The following CRTC1 variants were observed in gnomAD, a reference collection of about 807,000 sequenced individuals.
The protein encoded by CRTC1 is CREB-regulated transcription coactivator 1.
CRTC1 carries 18 observed loss-of-function variants against 66.1 expected under a neutral mutation model. The ratio of observed to expected loss-of-function variants is 0.27; its 90% confidence interval spans 0.19 to 0.40. The LOEUF (loss-of-function observed/expected upper bound fraction) is 0.40. Ranked by LOEUF, CRTC1 falls within the 10% of genes least tolerant of loss-of-function variation. The pLI, the probability that CRTC1 is intolerant of heterozygous loss-of-function variation, is 1.00. For synonymous variants in CRTC1, 416 were observed against 398.8 expected (o/e 1.04, Z -0.51); for missense variants, 669 against 887.9 (o/e 0.75, Z 3.13).
At position 18,736,115 on chromosome 19, in the gene CRTC1, T is replaced by C. The variant is rs1001956862; in HGVS notation, c.127-6795T>C. On this transcript the variant is annotated intron_variant, in intron 1 of 13. Coordinates refer to ENST00000321949, the MANE Select transcript of CRTC1 (RefSeq NM_015321.3). The stretch of plus-strand genomic sequence containing the variant: ...GCAGGGGTTCCAGCCAGCGTGGACA[T>C]GGGAGGATGAAGGCTCTTGCCCTGT... 2.6e-4 allele frequency among the ~76,000 whole-genome samples: 39 copies of C among 152,298 alleles called. 4 individuals carry two copies. The highest frequency in any genetic ancestry group is 8.3e-4 in the South Asian group (4 of 4,830).
At position 18,780,108 on chromosome 19, in the gene CRTC1, C is replaced by T. The variant is rs987055861; in HGVS notation, c.*2726C>T. On this transcript the variant is annotated 3_prime_UTR_variant, in exon 14 of 14. Coordinates refer to ENST00000321949, the MANE Select transcript of CRTC1 (RefSeq NM_015321.3). ...GTGATGTGAAAATACTGTGATTTGA[C>T]GAGCCGCTTCCTGAGGGGCAGGCCC... 6.0e-5 allele frequency: 14 copies of T among 231,706 alleles called. No homozygotes were observed. The highest frequency in any genetic ancestry group is 2.4e-4 in the African/African-American group (11 of 45,236). The allele number at this position is 231,706 out of a possible 1,614,324, so 14.4% of individuals were successfully genotyped here.
chr19:18,765,603 C>A, intron 9 of CRTC1, 75 bp downstream of exon 9: 1 of 1,409,818 alleles, frequency 7.1e-7, no homozygotes, highest in South Asian at 1.3e-5. Flanking sequence ...TCTTAGAAGG[C>A]CTCCTGTTCC....
At chr19:18,748,290 T>G (rs1318023079) in intron 4 of CRTC1, among the ~76,000 whole-genome samples, 2 of 151,464 alleles carry the variant, frequency 1.3e-5, no homozygotes, top group Non-Finnish European at 2.9e-5. Context: ...ACTCTGTTAC[T>G]GAGGCTGGAG....
At chr19:18,738,905 C>T (rs948504844) in intron 1 of CRTC1, among the ~76,000 whole-genome samples, 2 of 152,156 alleles carry the variant, frequency 1.3e-5, no homozygotes, top group Non-Finnish European at 2.9e-5. Flanking sequence ...AAGGAGGGGC[C>T]GTCAGGCCTT....
At position 18,775,671 on chromosome 19, in the gene CRTC1, A is replaced by C; in HGVS notation, c.1543A>C (p.Ile515Leu). The C allele has an allele frequency of 3.1e-6, 5 of 1,606,912 alleles. No individual in the cohort carries two copies. Among genetic ancestry groups the C allele is most frequent in the Non-Finnish European group, 4.2e-6 (5 of 1,177,238 alleles). ...GCAGTTCAACATGATGGAGAACGCC[A>C]TCAGCTCCAGCAGCCTGTACAGCCC... Reference protein sequence around the residue: ...LEQFNMMENAISSSSLYSPGS... With the variant: ...LEQFNMMENALSSSSLYSPGS... Residue 515 changes from isoleucine to leucine, a missense_variant, in exon 13 of 14, where the codon ATC (isoleucine) becomes CTC (leucine). Coordinates refer to ENST00000321949, the MANE Select transcript of CRTC1 (RefSeq NM_015321.3).
intron 8 of CRTC1, among the ~76,000 whole-genome samples, chr19:18,761,215 G>A (rs2145811788): frequency 6.6e-6 from 1 of 152,310 alleles, no homozygotes; most frequent in Admixed American, 6.5e-5. Context: ...CTGCCGCGTT[G>A]CTTTCCTGCA....
At chr19:18,742,280 C>T (rs1253089850) in intron 1 of CRTC1, among the ~76,000 whole-genome samples, 1 of 152,140 alleles carries the variant, frequency 6.6e-6, no homozygotes, top group Admixed American at 6.5e-5. Context: ...AGGGATGCAG[C>T]TGAGATGAAG....
Position 18,747,127 on chromosome 19 carries a change from A to ACCCCCCCCC in CRTC1, c.443+14_443+15insCCCCCCCCC, listed in dbSNP as rs752727932. On this transcript the variant is annotated intron_variant, in intron 4 of 13. Coordinates refer to ENST00000321949, the MANE Select transcript of CRTC1 (RefSeq NM_015321.3). Reference sequence around the variant, plus strand: ...CCAGCTGGAGAAGGTCAGTGGCTGGACACCCCCCCCCCGCCCCCTTCTTGT... The same window carrying ACCCCCCCCC: ...CCAGCTGGAGAAGGTCAGTGGCTGGACCCCCCCCCCACCCCCCCCCCGCCCCCTTCTTGT... The ACCCCCCCCC allele has an allele frequency of 7.2e-7, 1 of 1,386,086 alleles. No homozygotes were observed. The highest frequency in any genetic ancestry group is 1.8e-5 in the African/African-American group (1 of 56,918). 85.9% of individuals were successfully genotyped at this position (1,386,086 alleles called of 1,614,324 possible).
intron 12 of CRTC1, 50 bp from the exon 13 acceptor site, chr19:18,775,591 C>G: frequency 6.8e-7 from 1 of 1,468,456 alleles, no homozygotes. Context: ...GGGTGGCCAG[C>G]TGGGCAGGCC....
At chr19:18,757,010 G>A (rs1032850144) in intron 6 of CRTC1, among the ~76,000 whole-genome samples, 11 of 152,190 alleles carry the variant, frequency 7.2e-5, no homozygotes, top group East Asian at 5.8e-4. Flanking sequence ...CCGGTCGCAC[G>A]CCACCCCTCG....
At chr19:18,766,520 C>A (rs1378788921) in intron 9 of CRTC1, among the ~76,000 whole-genome samples, 1 of 151,998 alleles carries the variant, frequency 6.6e-6, no homozygotes, top group East Asian at 1.9e-4. Context: ...GATCTTGGTT[C>A]ATTGCAACTC....
At chr19:18,731,051 C>T (rs1218814697) in intron 1 of CRTC1, among the ~76,000 whole-genome samples, 1 of 152,116 alleles carries the variant, frequency 6.6e-6, no homozygotes, top group Non-Finnish European at 1.5e-5. Flanking sequence ...ACAATCTTGG[C>T]TCACAGCACC....
At chr19:18,719,832 G>A (rs2053584412) in intron 1 of CRTC1, among the ~76,000 whole-genome samples, 1 of 152,238 alleles carries the variant, frequency 6.6e-6, no homozygotes, top group Non-Finnish European at 1.5e-5. Context: ...CCTGAGGTTA[G>A]GTCCGGCACC....
At chr19:18,725,206 A>G (rs972556489) in intron 1 of CRTC1, among the ~76,000 whole-genome samples, 1 of 152,096 alleles carries the variant, frequency 6.6e-6, no homozygotes, top group East Asian at 1.9e-4. Flanking sequence ...CCTCATGGCA[A>G]TGCTGAGGGG....
At chr19:18,719,044 T>C (rs1190297549) in intron 1 of CRTC1, among the ~76,000 whole-genome samples, 1 of 152,024 alleles carries the variant, frequency 6.6e-6, no homozygotes, top group African/African-American at 2.4e-5. Flanking sequence ...GGGTGCGAGA[T>C]GACACGGGCT....
intron 1 of CRTC1, among the ~76,000 whole-genome samples, chr19:18,687,724 G>A (rs185746381): frequency 5.0e-4 from 76 of 152,290 alleles, no homozygotes; most frequent in Admixed American, 1.4e-3. Flanking sequence ...GGTGGTGATG[G>A]CACCTGAGGT....
At chr19:18,776,451 T>G (rs2054990736) in intron 13 of CRTC1, among the ~76,000 whole-genome samples, 1 of 152,226 alleles carries the variant, frequency 6.6e-6, no homozygotes, top group Admixed American at 6.5e-5. Flanking sequence ...ATGCGCCCCC[T>G]GGCAGTCCTC....
chr19:18,781,675 CTT>C lies in CRTC1; in HGVS notation c.*4294_*4295del. On this transcript the variant is annotated 3_prime_UTR_variant, in exon 14 of 14. Transcript: ENST00000321949. ...TCGTGATCCCAGCCTCAGTTTCTCT[CTT>C]GTCACTTTCTCAAACCTGCAGGTCT... 4.3e-6 allele frequency: 1 copy of C among 231,006 alleles called. No individual in the cohort carries two copies. Among genetic ancestry groups the C allele is most frequent in the South Asian group, 1.8e-4 (1 of 5,514 alleles). 14.3% of individuals were successfully genotyped at this position (231,006 alleles called of 1,614,324 possible). A position where few individuals can be genotyped will look rare whatever the true frequency, so the allele number is the denominator to read the frequency against.
chr19:18,695,264 C>G (rs1008114447), intron 1 of CRTC1, among the ~76,000 whole-genome samples: 4 of 152,076 alleles, frequency 2.6e-5, no homozygotes, highest in African/African-American at 9.7e-5. Flanking sequence ...CTTCGCCTCT[C>G]AAAGTGCTGG....
Sources: gnomAD v4.1 joint callset for allele counts (sites outside exome capture counted in the v4.1 genomes callset) on GRCh38, gnomAD v4.1.1 for gene constraint, MANE v1.5 for transcripts, NCBI Gene and HGNC (gene_info 2026-07-23, HGNC 2026-07-21) for gene names.